NEBL: variants seen among roughly 807,000 people sequenced by gnomAD.
NEBL encodes the protein nebulette.
A neutral mutation model predicts 140.2 loss-of-function variants in NEBL; 122 were observed. The observed-to-expected ratio is 0.87, with a 90% CI of 0.75 to 1.01. NEBL has a LOEUF of 1.01. NEBL is among the 50% of genes least tolerant of loss of function. The probability of loss-of-function intolerance (pLI) is 0.00; values close to 1 mark genes in which losing one functional copy is unlikely to be tolerated. For missense variants in NEBL, 1,365 were observed against 1,231.3 expected (o/e 1.11, Z -1.62); for synonymous variants, 436 against 398.9 (o/e 1.09, Z -1.11).
intron 2 of NEBL, among the ~76,000 whole-genome samples, chr10:21,070,378 G>T (rs1430244933): frequency 6.6e-6 from 1 of 152,082 alleles, no homozygotes; most frequent in Non-Finnish European, 1.5e-5. Flanking sequence ...ATTAATGTAA[G>T]ACTCTCCAAG....
chr10:21,148,704 G>C (rs11817086), intron 2 of NEBL, among the ~76,000 whole-genome samples: 11,613 of 151,578 alleles, frequency 0.077, 1,258 homozygotes, highest in African/African-American at 0.24. Flanking sequence ...TTTTGTATTC[G>C]TAGTAGAGAC....
intron 18 of NEBL, among the ~76,000 whole-genome samples, chr10:20,824,147 G>A (rs1264862884): frequency 6.6e-6 from 1 of 152,104 alleles, no homozygotes; most frequent in Non-Finnish European, 1.5e-5. Flanking sequence ...ATTCATGGAA[G>A]ATAATTCAAA....
upstream of NEBL, among the ~76,000 whole-genome samples, chr10:21,178,953 C>T (rs1238602835): frequency 2.6e-5 from 4 of 152,204 alleles, no homozygotes; most frequent in African/African-American, 7.2e-5. Context: ...AAAATGTCCA[C>T]ATTTTGATGC....
chr10:21,145,090 CA>C (rs1359507698), intron 2 of NEBL, among the ~76,000 whole-genome samples: 3 of 151,880 alleles, frequency 2.0e-5, no homozygotes, highest in Non-Finnish European at 4.4e-5. Context: ...ATAACACAAC[CA>C]TTAGATATTA....
intron 3 of NEBL, among the ~76,000 whole-genome samples, chr10:21,201,798 A>AT (rs909477650): frequency 6.6e-6 from 1 of 151,978 alleles, no homozygotes; most frequent in African/African-American, 2.4e-5. Context: ...ATCTTTGTTT[A>AT]TTTTTTTATT....
At chr10:21,063,890 A>AATAAAT (rs71392111) in intron 2 of NEBL, among the ~76,000 whole-genome samples, 58,340 of 148,874 alleles carry the variant, frequency 0.39, 13,542 homozygotes, top group Non-Finnish European at 0.52. Flanking sequence ...TAAACAAATA[A>AATAAAT]ATAAATATAA....
chr10:21,052,173 G>A (rs945681468), intron 2 of NEBL, among the ~76,000 whole-genome samples: 12 of 152,132 alleles, frequency 7.9e-5, no homozygotes, highest in Non-Finnish European at 1.8e-4. Context: ...CCTTCAGAAG[G>A]AAATGCAAGT....
At chr10:21,261,512 C>A (rs890131727) in intron 1 of NEBL, among the ~76,000 whole-genome samples, 6 of 151,858 alleles carry the variant, frequency 4.0e-5, no homozygotes, top group African/African-American at 9.7e-5. Flanking sequence ...ATATAAAAAT[C>A]AGCCAGGCGT....
chr10:20,828,645 A>T lies in NEBL; in HGVS notation c.1672-11T>A. On this transcript the variant is annotated splice_polypyrimidine_tract_variant and intron_variant, in intron 16 of 27. Coordinates refer to ENST00000377122, the MANE Select transcript of NEBL (RefSeq NM_006393.3). ...ATCTTTATACTTTCTCTAAAAACAT[A>T]AACAGTTAATATAAATCTGAAACTA... 1 of 1,500,966 alleles carries T rather than the reference A, an allele frequency of 6.7e-7. No homozygotes were observed. Among genetic ancestry groups the T allele is most frequent in the Non-Finnish European group, 9.3e-7 (1 of 1,079,352 alleles). The allele number at this position is 1,500,966 out of a possible 1,614,324, so 93.0% of individuals were successfully genotyped here.
intron 1 of NEBL, among the ~76,000 whole-genome samples, chr10:21,269,930 C>T (rs1442061641): frequency 2.6e-5 from 4 of 152,134 alleles, no homozygotes; most frequent in African/African-American, 9.7e-5. Context: ...GGTCAATGTA[C>T]GGAATTAACC....
At chr10:20,855,981 C>T (rs1843039068) in intron 9 of NEBL, among the ~76,000 whole-genome samples, 1 of 152,110 alleles carries the variant, frequency 6.6e-6, no homozygotes, top group African/African-American at 2.4e-5. Context: ...TTCTTTGTTT[C>T]TTCACAAATG....
In NEBL at chr10:21,156,842, A is replaced by G. The variant is rs1200815471; in HGVS notation, c.164+15541T>C. On this transcript the variant is annotated intron_variant, in intron 2 of 6. Transcript: ENST00000417816. The stretch of plus-strand genomic sequence containing the variant: ...TATAAATCTTCACACTAGAATCTCT[A>G]CATTGAACTACAGCCAAGGTCACAA... Among the ~76,000 whole-genome samples, 128 of 152,366 alleles carry G rather than the reference A, an allele frequency of 8.4e-4. 1 individual carries two copies. The highest frequency in any genetic ancestry group is 1.0e-4 in the Non-Finnish European group (7 of 68,036).
chr10:20,945,950 G>A (rs185941867), intron 4 of NEBL, among the ~76,000 whole-genome samples: 1 of 152,302 alleles, frequency 6.6e-6, no homozygotes, highest in Non-Finnish European at 1.5e-5. Flanking sequence ...GCTCATCAGT[G>A]AAATGAGAAT....
intron 3 of NEBL, among the ~76,000 whole-genome samples, chr10:20,978,786 G>T (rs1564469109): frequency 6.6e-6 from 1 of 151,610 alleles, no homozygotes; most frequent in Non-Finnish European, 1.5e-5. Flanking sequence ...AAGGTGTGGA[G>T]CATCCAGTAA....
intron 4 of NEBL, among the ~76,000 whole-genome samples, chr10:20,931,915 A>G (rs1834205888): frequency 6.6e-6 from 1 of 152,228 alleles, no homozygotes; most frequent in Non-Finnish European, 1.5e-5. Context: ...CATTTCTTAC[A>G]CAAATTATTT....
intron 4 of NEBL, among the ~76,000 whole-genome samples, chr10:20,902,816 A>C (rs1391833842): frequency 6.6e-6 from 1 of 152,134 alleles, no homozygotes; most frequent in African/African-American, 2.4e-5. Flanking sequence ...CCAGAACCAA[A>C]GGGTCAGGCA....
At chr10:21,047,755 A>T (rs937909010) in intron 2 of NEBL, among the ~76,000 whole-genome samples, 3 of 152,190 alleles carry the variant, frequency 2.0e-5, no homozygotes, top group Admixed American at 6.5e-5. Context: ...TAGCTCTGTG[A>T]CTTTGACCAA....
chr10:20,844,739 T>C (rs979233526), intron 12 of NEBL, among the ~76,000 whole-genome samples: 1 of 152,074 alleles, frequency 6.6e-6, no homozygotes, highest in Non-Finnish European at 1.5e-5. Flanking sequence ...TTATAAGTAA[T>C]GTAGCATTTA....
In NEBL at chr10:21,093,150, C is replaced by CTTT. The variant is rs4025884; in HGVS notation, c.165-72952_165-72950dup. ...TACTTTTATTCATTTAGCAACAAGT[C>CTTT]TTTTTTTTTTTTTTTCCATTTTAGC... On this transcript the variant is annotated intron_variant, in intron 2 of 6. Transcript: ENST00000417816. Among the ~76,000 whole-genome samples the CTTT allele has an allele frequency of 6.6e-3, 625 of 95,044 alleles. 43 individuals are homozygous for CTTT. Among genetic ancestry groups the CTTT allele is most frequent in the African/African-American group, 0.022 (514 of 23,326 alleles). The allele number at this position is 95,044 out of a possible 152,430, so 62.4% of individuals were successfully genotyped here. A position where few individuals can be genotyped will look rare whatever the true frequency, so the allele number is the denominator to read the frequency against.
Sources: allele counts gnomAD v4.1 joint callset (sites outside exome capture counted in the v4.1 genomes callset), GRCh38; gene constraint gnomAD v4.1.1; transcripts MANE v1.5; gene names NCBI Gene and HGNC (gene_info 2026-07-23, HGNC 2026-07-21).